SEMA4D: variants seen among roughly 807,000 people sequenced by gnomAD.
SEMA4D encodes semaphorin-4D.
SEMA4D carries 22 observed loss-of-function variants against 74.8 expected under a neutral mutation model. The ratio of observed to expected loss-of-function variants is 0.29; its 90% CI spans 0.21 to 0.42. The LOEUF is 0.42. SEMA4D is among the 10% of genes least tolerant of loss of function. The pLI is 1.00. For synonymous variants in SEMA4D, 445 were observed against 463.7 expected (o/e 0.96, Z 0.52); for missense variants, 937 against 1,118.4 (o/e 0.84, Z 2.31).
At chr9:89,426,956 T>C (rs890167258) in intron 2 of SEMA4D, among the ~76,000 whole-genome samples, 1 of 152,194 alleles carries the variant, frequency 6.6e-6, no homozygotes, top group African/African-American at 2.4e-5. Flanking sequence ...GCCACACCTG[T>C]GCCCTAGGTC....
intron 2 of SEMA4D, among the ~76,000 whole-genome samples, chr9:89,440,090 G>C (rs567129995): frequency 4.2e-4 from 64 of 152,170 alleles, no homozygotes; most frequent in Non-Finnish European, 8.2e-4. Context: ...ATGGAGCCAC[G>C]ATAAGAGGCC....
Position 89,491,846 on chromosome 9 carries a change from A to T in SEMA4D, c.-310+6073T>A, listed in dbSNP as rs1030856807. Among the ~76,000 whole-genome samples, 37 of 152,232 alleles carry T rather than the reference A, an allele frequency of 2.4e-4. 1 individual carries two copies. Among genetic ancestry groups the T allele is most frequent in the Non-Finnish European group, 4.4e-5 (3 of 68,002 alleles). Reference sequence around the variant, plus strand: ...ATGCTCACAGTCCACCAGCGATGGGACAGCCCCATGCATCTGTGGGCCCCG... The same window carrying T: ...ATGCTCACAGTCCACCAGCGATGGGTCAGCCCCATGCATCTGTGGGCCCCG... On this transcript the variant is annotated intron_variant, in intron 1 of 15. Transcript: ENST00000422704.
intron 1 of SEMA4D, among the ~76,000 whole-genome samples, chr9:89,474,501 G>A (rs766042676): frequency 2.0e-5 from 3 of 152,238 alleles, no homozygotes; most frequent in Non-Finnish European, 4.4e-5. Context: ...GCGTTTACAT[G>A]AGTTTTTCTC....
intron 2 of SEMA4D, among the ~76,000 whole-genome samples, chr9:89,441,145 C>T (rs1395856570): frequency 6.6e-6 from 1 of 152,258 alleles, no homozygotes; most frequent in African/African-American, 2.4e-5. Flanking sequence ...AGTCTTATTA[C>T]ACATTGTAAA....
chr9:89,496,313 G>C lies in SEMA4D; in HGVS notation c.-310+1606C>G, dbSNP rs552033527. 2.0e-5 allele frequency among the ~76,000 whole-genome samples: 3 copies of C among 152,278 alleles called. No homozygotes were observed. In the East Asian group the frequency reaches 5.8e-4, roughly 29 times the overall value. Reference sequence around the variant, plus strand: ...GACCTTGGGCTGGCATGGCAGCTGGGGCTCTGCATCCCCACGGTGGCCTTT... The same window carrying C: ...GACCTTGGGCTGGCATGGCAGCTGGCGCTCTGCATCCCCACGGTGGCCTTT... On this transcript the variant is annotated intron_variant, in intron 1 of 15. Coordinates refer to ENST00000422704, the MANE Select transcript of SEMA4D (RefSeq NM_001371194.2).
chr9:89,419,694 C>T, intron 2 of SEMA4D, among the ~76,000 whole-genome samples: 1 of 152,138 alleles, frequency 6.6e-6, no homozygotes, highest in East Asian at 1.9e-4. Flanking sequence ...GGGTGGATCA[C>T]TTGAGGTCAG....
At chr9:89,396,691 G>T in intron 6 of SEMA4D, 46 bp downstream of exon 6, 2 of 1,509,510 alleles carry the variant, frequency 1.3e-6, no homozygotes, top group Non-Finnish European at 1.8e-6. Context: ...TACTTTAACT[G>T]CTGACCAGGC....
chr9:89,404,285 C>T (rs1488352246), intron 3 of SEMA4D, among the ~76,000 whole-genome samples: 1 of 152,194 alleles, frequency 6.6e-6, no homozygotes, highest in Non-Finnish European at 1.5e-5. Context: ...CTCAGTGGGG[C>T]GGGTGCTTTG....
intron 2 of SEMA4D, among the ~76,000 whole-genome samples, chr9:89,410,193 C>T (rs1173467415): frequency 6.6e-6 from 1 of 152,196 alleles, no homozygotes; most frequent in Non-Finnish European, 1.5e-5. Context: ...GAGAGGTGCA[C>T]AGCAGCACCC....
intron 13 of SEMA4D, chr9:89,385,815 C>A: frequency 1.3e-6 from 1 of 776,630 alleles, no homozygotes; most frequent in Non-Finnish European, 1.6e-6. Context: ...GGTTGGAGGT[C>A]CCGTTAGGAG....
chr9:89,410,127 A>T lies in SEMA4D; in HGVS notation c.-243-4428T>A, dbSNP rs1844210339. 5.3e-5 allele frequency among the ~76,000 whole-genome samples: 8 copies of T among 152,262 alleles called. No individual in the cohort carries two copies. In the South Asian group the frequency reaches 1.7e-3, roughly 32 times the overall value. On this transcript the variant is annotated intron_variant, in intron 2 of 15. Coordinates refer to ENST00000422704, the MANE Select transcript of SEMA4D (RefSeq NM_001371194.2). ...GGTGCCCAGCTTGCAGCACACGCTG[A>T]TTTCTGTGGTGTAAATGCTGCTTTC...
intron 4 of SEMA4D, among the ~76,000 whole-genome samples, chr9:89,399,998 C>G (rs116896835): frequency 0.038 from 3,818 of 101,532 alleles, 102 homozygotes; most frequent in South Asian, 0.13. Flanking sequence ...CAGAGTAAGA[C>G]TCCGTCTCAA....
intron 2 of SEMA4D, among the ~76,000 whole-genome samples, chr9:89,435,662 C>A (rs1850230201): frequency 6.6e-6 from 1 of 152,168 alleles, no homozygotes; most frequent in Admixed American, 6.5e-5. Context: ...AGATCCTGAA[C>A]ATCAGCCACA....
rs1483956796 is a variant in SEMA4D, at chr9:89,379,359, T to C, written c.1934A>G (p.Glu645Gly). The change falls in exon 16 of 16, where the codon GAA becomes GGA. Residue 645 changes from glutamate to glycine, a missense_variant. Transcript: ENST00000422704. ...TACGGGCTTTGGAACCACCTTCACT[T>C]CCAGGACGTGCTTGGCGACCACTTG... ...VFQVVAKHVL[E>G]VKVVPKPVVA... 6.9e-5 allele frequency: 111 copies of C among 1,614,106 alleles called. 3 individuals carry two copies. In the Admixed American group the frequency reaches 1.8e-3, roughly 27 times the overall value.
At chr9:89,392,728 G>GTTTTTTTGT (rs1201203842) in intron 7 of SEMA4D, among the ~76,000 whole-genome samples, 192 bp from the exon 8 acceptor site, 1 of 151,860 alleles carries the variant, frequency 6.6e-6, no homozygotes, top group African/African-American at 2.4e-5. Context: ...TCGAGATGAG[G>GTTTTTTTGT]TTTTTTTGTT....
chr9:89,471,280 G>C (rs575871701), intron 1 of SEMA4D, among the ~76,000 whole-genome samples: 7 of 152,056 alleles, frequency 4.6e-5, no homozygotes, highest in African/African-American at 1.7e-4. Context: ...GGAGATGGAG[G>C]GTGGTGATGG....
intron 1 of SEMA4D, among the ~76,000 whole-genome samples, chr9:89,457,933 T>C (rs888267242): frequency 6.6e-6 from 1 of 151,770 alleles, no homozygotes; most frequent in Non-Finnish European, 1.5e-5. Context: ...CTTGGGAGGC[T>C]GAGACAGGAG....
intron 1 of SEMA4D, among the ~76,000 whole-genome samples, chr9:89,469,805 A>G (rs1564906526): frequency 6.6e-6 from 1 of 152,214 alleles, no homozygotes; most frequent in Non-Finnish European, 1.5e-5. Context: ...CTAACATCAT[A>G]TTTCATGGTG....
chr9:89,450,660 G>GGGA (rs1491451024), intron 2 of SEMA4D: 6 of 430,438 alleles, frequency 1.4e-5, no homozygotes, highest in Admixed American at 9.8e-5. Flanking sequence ...AAAAACCCAG[G>GGGA]AAAAAAAAAA....
Sources: allele counts gnomAD v4.1 joint callset (sites outside exome capture counted in the v4.1 genomes callset), GRCh38; gene constraint gnomAD v4.1.1; transcripts MANE v1.5; gene names NCBI Gene and HGNC (gene_info 2026-07-23, HGNC 2026-07-21).